Variants in DNAJC14 observed in about 807,000 individuals in gnomAD.
DNAJC14 encodes the protein DnaJ heat shock protein family (Hsp40) member C14.
A neutral mutation model predicts 68.8 loss-of-function variants in DNAJC14; 12 were observed. The observed-to-expected ratio is 0.17, with a 90% CI of 0.11 to 0.28. DNAJC14 has a LOEUF of 0.28. Ranked by LOEUF, DNAJC14 falls within the 10% of genes least tolerant of loss-of-function variation. The pLI, the probability that DNAJC14 is intolerant of heterozygous loss-of-function variation, is 1.00. For synonymous variants in DNAJC14, 350 were observed against 321.5 expected (o/e 1.09, Z -0.95); for missense variants, 764 against 875.6 (o/e 0.87, Z 1.61).
In DNAJC14 at chr12:55,829,518, A is replaced by G; in HGVS notation, c.-86T>C. On this transcript the variant is annotated 5_prime_UTR_variant, in exon 1 of 7. Transcript: ENST00000678005. ...GAACGGCGGTAACTCCTCCCCCTCG[A>G]GCCGCCCGGCCTGGGGCCAGGGTGA... is the stretch of plus-strand genomic sequence containing the variant. 2 of 983,524 alleles carry G rather than the reference A, an allele frequency of 2.0e-6. No individual in the cohort carries two copies. The highest frequency in any genetic ancestry group is 2.4e-6 in the Non-Finnish European group (2 of 829,704). The allele number at this position is 983,524 out of a possible 1,614,324, so 60.9% of individuals were successfully genotyped here. A position where few individuals can be genotyped will look rare whatever the true frequency, so the allele number is the denominator to read the frequency against.
rs536856862 is a variant in DNAJC14 at position 55,828,394 on chromosome 12, C to T, written c.265G>A (p.Asp89Asn). 6.2e-7 allele frequency: 1 copy of T among 1,614,118 alleles called. No individual in the cohort carries two copies. Among genetic ancestry groups the T allele is most frequent in the Non-Finnish European group, 8.5e-7 (1 of 1,180,016 alleles). ...GGPGPPRDAE[D>N]PDQSETSSEE... is the part of the protein sequence containing the mutation. ...GAAGACGTCTCACTCTGATCAGGGT[C>T]CTCTGCATCTCTAGGTGGTCCTGGA... Residue 89 changes from aspartate (D) to asparagine (N), a missense_variant, in exon 2 of 7, where the codon GAC (aspartate) becomes AAC (asparagine). By Grantham distance (23) the Asp-to-Asn change is conservative. This residue lies in a region of DNAJC14 where 514 missense variants were observed against 521.7 expected (regional missense o/e 0.99). Coordinates refer to ENST00000678005, the MANE Select transcript of DNAJC14 (RefSeq NM_032364.6).
intron 2 of DNAJC14, 45 bp downstream of exon 2, chr12:55,827,207 A>AT: frequency 1.5e-6 from 2 of 1,377,434 alleles, no homozygotes; most frequent in African/African-American, 1.5e-5. Context: ...AAAAAAAAAA[A>AT]ATATGGGAAC....
intron 2 of DNAJC14, among the ~76,000 whole-genome samples, chr12:55,826,271 CTTTT>C (rs1164806475): frequency 3.5e-5 from 3 of 85,798 alleles, no homozygotes; most frequent in Non-Finnish European, 6.4e-5. Context: ...GGGAAAATAT[CTTTT>C]TTTTTTTTTT....
intron 2 of DNAJC14, 88 bp from the exon 3 acceptor site, chr12:55,823,596 T>A: frequency 8.6e-7 from 1 of 1,167,970 alleles, no homozygotes; most frequent in Non-Finnish European, 1.3e-6. Context: ...TTCTCTTTCA[T>A]CACCCTTTTG....
upstream of DNAJC14, chr12:55,829,799 C>T (rs1880926420): frequency 5.7e-6 from 1 of 174,628 alleles, no homozygotes; most frequent in Non-Finnish European, 1.1e-5. Flanking sequence ...GAATGGGATT[C>T]CCGCAGGTTG....
Position 55,828,624 on chromosome 12 carries a change from T to A in DNAJC14, c.35A>T (p.Tyr12Phe), listed in dbSNP as rs1565690763. ...GGCACCACCACTGTGGTGGGCTCCA[T>A]ACAACCCTCTTTCTCCGGGGTGCTT... ...AQKHPGERGL[Y>F]GAHHSGGASL... Residue 12 changes from tyrosine (Y) to phenylalanine (F), a missense_variant, in exon 2 of 7, where the codon TAT (tyrosine) becomes TTT (phenylalanine). Physicochemically the swap from Tyr to Phe is conservative, Grantham distance 22 (BLOSUM62 3). Coordinates refer to ENST00000678005, the MANE Select transcript of DNAJC14 (RefSeq NM_032364.6). The A allele has an allele frequency of 1.2e-6, 2 of 1,613,788 alleles. No individual in the cohort carries two copies. The highest frequency in any genetic ancestry group is 1.7e-6 in the Non-Finnish European group (2 of 1,179,866).
At chr12:55,822,997 A>C (rs1300113836) in intron 4 of DNAJC14, 73 bp downstream of exon 4, 2 of 1,592,152 alleles carry the variant, frequency 1.3e-6, no homozygotes, top group South Asian at 1.1e-5. Context: ...AATTACCAGT[A>C]CTCACTAGAA....
intron 1 of DNAJC14, 101 bp from the exon 2 acceptor site, chr12:55,828,815 T>C: frequency 1.5e-6 from 2 of 1,351,332 alleles, no homozygotes; most frequent in Non-Finnish European, 1.9e-6. Flanking sequence ...CCTCCCTTGT[T>C]TTCCCAAGTT....
chr12:55,829,990 C>T (rs1880934257), upstream of DNAJC14: 1 of 152,478 alleles, frequency 6.6e-6, no homozygotes, highest in Admixed American at 6.5e-5. Flanking sequence ...AGAGTCACTG[C>T]CCTGATCCCT....
chr12:55,822,192 G>A lies in DNAJC14; in HGVS notation c.1899-5C>T. 1 of 1,575,054 alleles carries A rather than the reference G, an allele frequency of 6.3e-7. No homozygotes were observed. The highest frequency in any genetic ancestry group is 2.0e-4 in the Middle Eastern group (1 of 5,034). On this transcript the variant is annotated splice_polypyrimidine_tract_variant and splice_region_variant and intron_variant, in intron 6 of 6. Transcript: ENST00000678005. ...GGAGGGGCATCTGGGGTGGCTCTGA[G>A]GTAAAACAGAAGAAATAAGGCAAGA... is the stretch of plus-strand genomic sequence containing the variant.
chr12:55,824,748 C>T (rs1880749531), intron 2 of DNAJC14, among the ~76,000 whole-genome samples: 1 of 152,106 alleles, frequency 6.6e-6, no homozygotes, highest in South Asian at 2.1e-4. Flanking sequence ...TTCTCCAAAA[C>T]AGGATGTCTA....
chr12:55,829,345 T>C (rs886623631), intron 1 of DNAJC14, 144 bp downstream of exon 1: 2 of 952,132 alleles, frequency 2.1e-6, no homozygotes, highest in African/African-American at 3.6e-5. Flanking sequence ...CTCGGGAGGC[T>C]GAGGCAGAAG....
chr12:55,828,751 A>C (rs748476050), intron 1 of DNAJC14, 37 bp from the exon 2 acceptor site: 11 of 1,456,430 alleles, frequency 7.6e-6, no homozygotes, highest in Non-Finnish European at 9.1e-6. Flanking sequence ...GTCAAGGATG[A>C]GACCAAGAGA....
In DNAJC14 at chr12:55,828,679, G is replaced by T; in HGVS notation, c.-21C>A. 6.3e-7 allele frequency: 1 copy of T among 1,599,922 alleles called. No individual in the cohort carries two copies. The highest frequency in any genetic ancestry group is 1.1e-5 in the South Asian group (1 of 89,758). On this transcript the variant is annotated 5_prime_UTR_variant, in exon 2 of 7. Transcript: ENST00000678005. ...GCCATGACCCCGGGGCTTCCTGAGG[G>T]TCTTAGGTCACAGCCATCATGGTGT...
chr12:55,826,271 C>CTTTTTTTT (rs1164806475), intron 2 of DNAJC14, among the ~76,000 whole-genome samples: 6 of 85,782 alleles, frequency 7.0e-5, no homozygotes, highest in East Asian at 3.9e-4. Context: ...GGGAAAATAT[C>CTTTTTTTT]TTTTTTTTTT....
upstream of DNAJC14, chr12:55,829,968 A>G (rs1880933292): frequency 6.6e-6 from 1 of 152,212 alleles, no homozygotes; most frequent in Admixed American, 6.6e-5. Context: ...AGACAAAACC[A>G]GGGAGCTCAG....
chr12:55,824,571 G>C (rs1880745483), intron 2 of DNAJC14, among the ~76,000 whole-genome samples: 1 of 152,146 alleles, frequency 6.6e-6, no homozygotes, highest in African/African-American at 2.4e-5. Flanking sequence ...GTTCACACTA[G>C]GGCTTAGTAA....
intron 2 of DNAJC14, among the ~76,000 whole-genome samples, chr12:55,826,087 G>T (rs1435341497): frequency 1.3e-5 from 2 of 151,848 alleles, no homozygotes; most frequent in Non-Finnish European, 2.9e-5. Flanking sequence ...ACCCTCATTT[G>T]TTCAGGTAAG....
intron 6 of DNAJC14, 22 bp from the exon 7 acceptor site, chr12:55,822,209 A>G: frequency 1.9e-6 from 3 of 1,555,996 alleles, no homozygotes; most frequent in Non-Finnish European, 2.6e-6. Flanking sequence ...CAGAAGAAAT[A>G]AGGCAAGAGA....
Sources: gnomAD v4.1 joint callset for allele counts (sites outside exome capture counted in the v4.1 genomes callset) on GRCh38, gnomAD v4.1.1 for gene constraint, gnomAD v4.1.1 regional missense constraint, MANE v1.5 for transcripts, NCBI Gene and HGNC (gene_info 2026-07-23, HGNC 2026-07-21) for gene names.